The following MACROD2 variants were observed in gnomAD, a reference collection of about 807,000 sequenced individuals.
MACROD2 encodes the protein mono-ADP ribosylhydrolase 2.
MACROD2 carries 36 observed loss-of-function variants against 70.4 expected under a neutral mutation model. The ratio of observed to expected loss-of-function variants is 0.51; its 90% confidence interval spans 0.39 to 0.68. The LOEUF is 0.68. Ranked by LOEUF, MACROD2 falls within the 30% of genes least tolerant of loss-of-function variation. The pLI is 0.00. For missense variants in MACROD2, 496 were observed against 538.4 expected (o/e 0.92, Z 0.78); for synonymous variants, 172 against 178.8 (o/e 0.96, Z 0.30).
intron 10 of MACROD2, among the ~76,000 whole-genome samples, chr20:15,898,690 C>T (rs1376117540): frequency 6.6e-6 from 1 of 151,396 alleles, no homozygotes; most frequent in African/African-American, 2.4e-5. Context: ...AACTGTTGTT[C>T]TTGAGTCTAG....
intron 7 of MACROD2, among the ~76,000 whole-genome samples, chr20:15,482,409 G>A (rs993488469): frequency 5.3e-5 from 8 of 151,984 alleles, no homozygotes; most frequent in African/African-American, 1.9e-4. Context: ...TATTAGAATG[G>A]CCAAAATCCA....
At chr20:15,116,166 A>G (rs1331254258) in intron 5 of MACROD2, among the ~76,000 whole-genome samples, 1 of 152,196 alleles carries the variant, frequency 6.6e-6, no homozygotes, top group Non-Finnish European at 1.5e-5. Context: ...ACAAAAATTC[A>G]GATTACAGTT....
intron 5 of MACROD2, among the ~76,000 whole-genome samples, chr20:15,198,762 T>G (rs968918116): frequency 6.6e-6 from 1 of 152,168 alleles, no homozygotes; most frequent in African/African-American, 2.4e-5. Context: ...CAATTTACAT[T>G]TACAAAGTTA....
At chr20:15,414,062 T>TTA (rs920203755) in intron 6 of MACROD2, among the ~76,000 whole-genome samples, 9 of 152,220 alleles carry the variant, frequency 5.9e-5, no homozygotes, top group East Asian at 1.9e-4. Flanking sequence ...TAAACTGAGG[T>TTA]TATATATATC....
At chr20:14,340,516 C>G (rs1417107811) in intron 3 of MACROD2, among the ~76,000 whole-genome samples, 1 of 151,762 alleles carries the variant, frequency 6.6e-6, no homozygotes, top group African/African-American at 2.4e-5. Context: ...TTTCAAATTT[C>G]TCTTTGAAGT....
At chr20:14,347,669 G>A (rs1485163256) in intron 3 of MACROD2, among the ~76,000 whole-genome samples, 6 of 152,098 alleles carry the variant, frequency 3.9e-5, no homozygotes, top group Non-Finnish European at 7.3e-5. Context: ...GGATTCCCAA[G>A]TTTTTATCTG....
At chr20:15,218,338 C>G (rs746527114) in intron 5 of MACROD2, among the ~76,000 whole-genome samples, 6 of 152,190 alleles carry the variant, frequency 3.9e-5, no homozygotes, top group Non-Finnish European at 7.3e-5. Flanking sequence ...TCACAGTTTG[C>G]CAGTTCAACT....
intron 5 of MACROD2, among the ~76,000 whole-genome samples, chr20:14,767,655 T>A (rs1013574469): frequency 6.6e-6 from 1 of 151,892 alleles, no homozygotes; most frequent in Non-Finnish European, 1.5e-5. Context: ...TTAAAAAAAA[T>A]TATATTTTAA....
At chr20:14,760,823 T>C (rs1480992253) in intron 5 of MACROD2, among the ~76,000 whole-genome samples, 1 of 152,106 alleles carries the variant, frequency 6.6e-6, no homozygotes, top group Non-Finnish European at 1.5e-5. Flanking sequence ...ATTGTCACAT[T>C]TTTACTAGCA....
rs192698176 is a variant in MACROD2, at chr20:14,899,541, G to T, written c.418+214582G>T. The stretch of plus-strand genomic sequence containing the variant: ...TTCATCCTCACATGGGGGTCTCTTT[G>T]TATGTGCCTCTGTGTCCAAAATCTG... On this transcript the variant is annotated intron_variant, in intron 5 of 17. Transcript: ENST00000684519. Among the ~76,000 whole-genome samples, 75 of 152,226 alleles carry T rather than the reference G, an allele frequency of 4.9e-4. No individual in the cohort carries two copies. In the East Asian group the frequency reaches 0.012, roughly 24 times the overall value.
rs2082457288 is a variant in MACROD2, at chr20:14,299,563, A to G, written c.272-193916A>G. On this transcript the variant is annotated intron_variant, in intron 3 of 17. Transcript: ENST00000684519. ...AACAACAAAATATTTAGAATATTAT[A>G]TACACTTAGTTGATAAAGCAGTGGT... Among the ~76,000 whole-genome samples, 7 of 152,286 alleles carry G rather than the reference A, an allele frequency of 4.6e-5. No homozygotes were observed. In the South Asian group the frequency reaches 1.0e-3, roughly 23 times the overall value.
intron 2 of MACROD2, among the ~76,000 whole-genome samples, chr20:14,077,243 C>A (rs1228143421): frequency 6.6e-6 from 1 of 152,000 alleles, no homozygotes; most frequent in African/African-American, 2.4e-5. Context: ...AATGCTAAAC[C>A]TAAGTTTGAG....
chr20:14,299,260 C>T (rs1001229795), intron 3 of MACROD2, among the ~76,000 whole-genome samples: 2 of 152,058 alleles, frequency 1.3e-5, no homozygotes, highest in African/African-American at 4.8e-5. Context: ...TTATGAGTTG[C>T]CGAAGTCTCA....
At chr20:15,368,492 C>T (rs1312466604) in intron 6 of MACROD2, among the ~76,000 whole-genome samples, 2 of 144,680 alleles carry the variant, frequency 1.4e-5, no homozygotes, top group African/African-American at 5.3e-5. Context: ...GACAGGGTCT[C>T]GCTCTGTTAC....
rs180841398 is a variant in MACROD2 at position 15,218,453 on chromosome 20, G to A, written c.419-11487G>A. On this transcript the variant is annotated intron_variant, in intron 5 of 17. Coordinates refer to ENST00000684519, the MANE Select transcript of MACROD2 (RefSeq NM_001351661.2). ...AGCCTCCAATTCATTCTGCAAAGGAGTAAGCATGAGGAAGTAAAACTACTG... is the reference window on the plus strand; with the variant it reads ...AGCCTCCAATTCATTCTGCAAAGGAATAAGCATGAGGAAGTAAAACTACTG... Among the ~76,000 whole-genome samples the A allele has an allele frequency of 1.7e-3, 263 of 152,274 alleles. 1 individual carries two copies. The highest frequency in any genetic ancestry group is 2.2e-3 in the Non-Finnish European group (151 of 68,018).
Position 15,170,937 on chromosome 20 carries a change from A to G in MACROD2, c.419-59003A>G, listed in dbSNP as rs192055117. 2.1e-3 allele frequency among the ~76,000 whole-genome samples: 326 copies of G among 152,268 alleles called. 1 individual carries two copies. The highest frequency in any genetic ancestry group is 3.7e-3 in the Non-Finnish European group (252 of 68,016). On this transcript the variant is annotated intron_variant, in intron 5 of 17. Coordinates refer to ENST00000684519, the MANE Select transcript of MACROD2 (RefSeq NM_001351661.2). ...AGAGAGATTGGCAGGGCTGTTGAGC[A>G]CCAGGCAGTTAGCCTGGGTGGAAAG...
chr20:14,597,154 C>G (rs1982200106), intron 4 of MACROD2, among the ~76,000 whole-genome samples: 1 of 152,094 alleles, frequency 6.6e-6, no homozygotes, highest in African/African-American at 2.4e-5. Flanking sequence ...ATTTGAGGAA[C>G]AATTTTTACA....
intron 5 of MACROD2, among the ~76,000 whole-genome samples, chr20:15,057,744 G>A (rs2075498171): frequency 6.6e-6 from 1 of 152,250 alleles, no homozygotes; most frequent in African/African-American, 2.4e-5. Context: ...TGCCATTCCC[G>A]ATCCATTATA....
At position 15,220,783 on chromosome 20, in the gene MACROD2, C is replaced by G. The variant is rs144656256; in HGVS notation, c.419-9157C>G. Among the ~76,000 whole-genome samples, 397 of 152,136 alleles carry G rather than the reference C, an allele frequency of 2.6e-3. 2 individuals carry two copies. The highest frequency in any genetic ancestry group is 8.8e-3 in the African/African-American group (364 of 41,540). ...TTCAGAGAAAAAAATGGGGGGGGCTCTCCAGAAATGGGGAAAGTCCTGTAG... is the reference window on the plus strand; with the variant it reads ...TTCAGAGAAAAAAATGGGGGGGGCTGTCCAGAAATGGGGAAAGTCCTGTAG... On this transcript the variant is annotated intron_variant, in intron 5 of 17. Transcript: ENST00000684519.
Sources: allele counts gnomAD v4.1 joint callset (sites outside exome capture counted in the v4.1 genomes callset), GRCh38; gene constraint gnomAD v4.1.1; transcripts MANE v1.5; gene names NCBI Gene and HGNC (gene_info 2026-07-23, HGNC 2026-07-21).